The following EP400 variants were observed in gnomAD, a reference collection of about 807,000 sequenced individuals.
EP400 encodes E1A-binding protein p400.
Under a neutral mutation model 354.1 loss-of-function variants are expected in EP400, and 105 were observed. The ratio of observed to expected loss-of-function variants is 0.30; its 90% CI spans 0.25 to 0.35. EP400 has a LOEUF of 0.35. Among genes scored for constraint, EP400 ranks in the 10% least tolerant of loss-of-function variants. The probability of loss-of-function intolerance (pLI) is 1.00; values close to 1 mark genes in which losing one functional copy is unlikely to be tolerated. For missense variants in EP400, 3,280 were observed against 4,121.0 expected (o/e 0.80, Z 5.59); for synonymous variants, 1,646 against 1,716.9 (o/e 0.96, Z 1.02).
At chr12:131,963,662 A>C in intron 2 of EP400, 10 of 1,574,388 alleles carry the variant, frequency 6.4e-6, no homozygotes, top group African/African-American at 1.3e-5. Context: ...GATGGTTCTC[A>C]AATGTAGTCT....
At chr12:131,963,388 A>G (rs772531691) in intron 2 of EP400, 1 of 633,584 alleles carries the variant, frequency 1.6e-6, no homozygotes, top group Non-Finnish European at 2.8e-6. Context: ...CTGTCAGTTC[A>G]GTATCCTTTC....
rs536954272 is a variant in EP400, at chr12:132,026,556, A to G, written c.5014+752A>G. Among the ~76,000 whole-genome samples, 9 of 152,238 alleles carry G rather than the reference A, an allele frequency of 5.9e-5. No individual in the cohort carries two copies. In the South Asian group the frequency reaches 1.9e-3, roughly 32 times the overall value. ...CCTAGCAGCAGTCCTGCATGCCAGCATGGTCAGCAGTTCCACTCACCAGGT... is the reference window on the plus strand; with the variant it reads ...CCTAGCAGCAGTCCTGCATGCCAGCGTGGTCAGCAGTTCCACTCACCAGGT... On this transcript the variant is annotated intron_variant, in intron 25 of 52. Coordinates refer to ENST00000389561, the MANE Select transcript of EP400 (RefSeq NM_015409.5).
intron 2 of EP400, among the ~76,000 whole-genome samples, chr12:131,974,762 G>T (rs1892411252): frequency 6.6e-6 from 1 of 152,112 alleles, no homozygotes; most frequent in African/African-American, 2.4e-5. Context: ...GGCCGAGGCG[G>T]GCGGATCACG....
chr12:132,027,718 T>G lies in EP400; in HGVS notation c.5109+187T>G, dbSNP rs931980176. Among the ~76,000 whole-genome samples, 1 of 152,252 alleles carries G rather than the reference T, an allele frequency of 6.6e-6. No individual in the cohort carries two copies. The highest frequency in any genetic ancestry group is 2.4e-5 in the African/African-American group (1 of 41,466). ...TGGACTTACGACTGCCACAATCTTT[T>G]TTTGTATTTTTTATGTCCTTCTGCA... On this transcript the variant is annotated intron_variant, in intron 26 of 52. Coordinates refer to ENST00000389561, the MANE Select transcript of EP400 (RefSeq NM_015409.5). This position sits in a 1 kb window ranked among gnomAD's most constrained non-coding sequence, Gnocchi z 4.9.
Position 132,029,686 on chromosome 12 carries a change from C to T in EP400, c.5382-15C>T. On this transcript the variant is annotated splice_polypyrimidine_tract_variant and intron_variant, in intron 27 of 52. Coordinates refer to ENST00000389561, the MANE Select transcript of EP400 (RefSeq NM_015409.5). The surrounding 1 kb of genome is among the most constrained non-coding windows in gnomAD (Gnocchi z 4.7). ...TGGCTCCTGGTGGTGACAAAACATG[C>T]TTTCTGCTCCTCAGGGTGGCCTTTG... The T allele has an allele frequency of 3.7e-6, 6 of 1,608,436 alleles. No homozygotes were observed. Among genetic ancestry groups the T allele is most frequent in the Non-Finnish European group, 5.1e-6 (6 of 1,177,214 alleles).
At chr12:132,035,550 G>A (rs940535177) in intron 30 of EP400, among the ~76,000 whole-genome samples, 5 of 152,050 alleles carry the variant, frequency 3.3e-5, no homozygotes, top group African/African-American at 1.2e-4. Context: ...ACACAGCATC[G>A]TGGAACAACA....
rs1593349425 is a variant in EP400, at chr12:132,017,327, A to T, written c.3924-208A>T. Among the ~76,000 whole-genome samples the T allele has an allele frequency of 6.6e-6, 1 of 152,196 alleles. No individual in the cohort carries two copies. The highest frequency in any genetic ancestry group is 6.5e-5 in the Admixed American group (1 of 15,300). On this transcript the variant is annotated intron_variant, in intron 19 of 52. Coordinates refer to ENST00000389561, the MANE Select transcript of EP400 (RefSeq NM_015409.5). This position sits in a 1 kb window ranked among gnomAD's most constrained non-coding sequence, Gnocchi z 5.0. Reference sequence around the variant, plus strand: ...CTTTCCGTCAGCTCTGGTGGGGCGGATGTCATTCTCAATGGGGATGGCGAA... The same window carrying T: ...CTTTCCGTCAGCTCTGGTGGGGCGGTTGTCATTCTCAATGGGGATGGCGAA...
chr12:132,021,186 C>T lies in EP400; in HGVS notation c.4555C>T (p.Arg1519Trp), dbSNP rs781714774. 8.7e-6 allele frequency: 14 copies of T among 1,600,834 alleles called. No homozygotes were observed. The highest frequency in any genetic ancestry group is 3.3e-5 in the Admixed American group (2 of 59,948). Residue 1519 changes from arginine (R) to tryptophan (W), a missense_variant, in exon 23 of 53, where the codon CGG becomes TGG. By Grantham distance (101) the Arg-to-Trp change is moderately radical. Transcript: ENST00000389561. ...AASPAHPAKL[R>W]AQTTAQASTP... ...TAGCCCGGCCCATCCTGCGAAACTG[C>T]GGGCCCAGACCACAGCACAGGCCTC...
At chr12:132,045,228 C>A in intron 37 of EP400, 91 bp from the exon 38 acceptor site, 1 of 1,546,876 alleles carries the variant, frequency 6.5e-7, no homozygotes, top group Non-Finnish European at 8.7e-7. Flanking sequence ...CAGGCACCTC[C>A]AGACTTGCCT....
intron 19 of EP400, among the ~76,000 whole-genome samples, chr12:132,015,781 G>A (rs1009342798): frequency 2.0e-5 from 3 of 152,150 alleles, no homozygotes; most frequent in African/African-American, 4.8e-5. Flanking sequence ...GTGTGCGCAC[G>A]CCTCGCCCCC....
chr12:132,067,535 C>G lies in EP400; in HGVS notation c.8874+49C>G, dbSNP rs371877543. 24 of 1,584,858 alleles carry G rather than the reference C, an allele frequency of 1.5e-5. No individual in the cohort carries two copies. In the East Asian group the frequency reaches 4.7e-4, roughly 31 times the overall value. ...CTTCTGGGTCTATGCCAAGCCAAAG[C>G]TGGCTGCTGGAGGAGAGGGTCCTAA... On this transcript the variant is annotated intron_variant, in intron 50 of 52. Coordinates refer to ENST00000389561, the MANE Select transcript of EP400 (RefSeq NM_015409.5). This position sits in a 1 kb window ranked among gnomAD's most constrained non-coding sequence, Gnocchi z 5.3.
intron 48 of EP400, chr12:132,065,520 A>G (rs1396647680): frequency 2.6e-5 from 4 of 153,086 alleles, no homozygotes; most frequent in African/African-American, 9.6e-5. Flanking sequence ...CCCAGTGCTC[A>G]TGGACTGCCC....
At chr12:132,037,465 T>G (rs1157769020) in intron 30 of EP400, among the ~76,000 whole-genome samples, 1 of 152,140 alleles carries the variant, frequency 6.6e-6, no homozygotes, top group East Asian at 1.9e-4. Flanking sequence ...CGAAGAGTCT[T>G]CCGGAGGGGC....
intron 5 of EP400, among the ~76,000 whole-genome samples, chr12:131,984,677 G>A (rs1488702445): frequency 1.3e-5 from 2 of 152,062 alleles, no homozygotes; most frequent in Non-Finnish European, 2.9e-5. Flanking sequence ...AAACTCAGCT[G>A]TGGAAAATGG....
At chr12:132,014,818 C>A (rs1015499798) in intron 19 of EP400, among the ~76,000 whole-genome samples, 8 of 152,188 alleles carry the variant, frequency 5.3e-5, no homozygotes, top group African/African-American at 1.9e-4. Flanking sequence ...GGTGCTGTGG[C>A]GGGAGCAGAC....
intron 32 of EP400, among the ~76,000 whole-genome samples, chr12:132,040,808 C>T (rs749793320): frequency 3.3e-5 from 5 of 152,104 alleles, no homozygotes; most frequent in Non-Finnish European, 5.9e-5. Context: ...TGAGGCCTGA[C>T]TGTAGGGAGC....
intron 2 of EP400, among the ~76,000 whole-genome samples, chr12:131,975,168 G>A (rs1362103462): frequency 6.6e-6 from 1 of 152,116 alleles, no homozygotes; most frequent in Non-Finnish European, 1.5e-5. Context: ...TGAGTCCTCT[G>A]GGAAGCAGGC....
At position 132,028,008 on chromosome 12, in the gene EP400, T is replaced by G. The variant is rs1312351982; in HGVS notation, c.5110-9T>G. On this transcript the variant is annotated splice_polypyrimidine_tract_variant and intron_variant, in intron 26 of 52. Coordinates refer to ENST00000389561, the MANE Select transcript of EP400 (RefSeq NM_015409.5). The stretch of plus-strand genomic sequence containing the variant: ...TCAAGTAACTGTTTTTCATCACTTT[T>G]TGATAAAGGAGGAAAAGACCAGACT... The G allele has an allele frequency of 3.1e-6, 5 of 1,607,344 alleles. No individual in the cohort carries two copies. The Admixed American group carries it at 5.0e-5, about 16-fold the overall frequency.
chr12:131,960,601 A>G lies in EP400; in HGVS notation c.-19A>G, dbSNP rs1891845450. On this transcript the variant is annotated 5_prime_UTR_variant, in exon 2 of 53. Coordinates refer to ENST00000389561, the MANE Select transcript of EP400 (RefSeq NM_015409.5). ...AATTTTTAGGAGAACGACACATTGG[A>G]TACAGAAGGGAGGTGATCATGCACC... The G allele has an allele frequency of 6.4e-7, 1 of 1,572,860 alleles. No individual in the cohort carries two copies.
Sources: allele counts gnomAD v4.1 joint callset (sites outside exome capture counted in the v4.1 genomes callset), GRCh38; gene constraint gnomAD v4.1.1; non-coding constraint Gnocchi (gnomAD v3.1); transcripts MANE v1.5; gene names NCBI Gene and HGNC (gene_info 2026-07-23, HGNC 2026-07-21).